Variants in MAF observed in about 807,000 individuals in gnomAD.
MAF encodes transcription factor Maf.
MAF carries 10 observed loss-of-function variants against 22.0 expected under a neutral mutation model. That is an observed-to-expected ratio of 0.45 (90% confidence interval 0.28 to 0.77). MAF has a LOEUF of 0.77. MAF is among the 30% of genes least tolerant of loss of function. The pLI, the probability that MAF is intolerant of heterozygous loss-of-function variation, is 0.12. For synonymous variants in MAF, 337 were observed against 255.8 expected (o/e 1.32, Z -3.03); for missense variants, 544 against 548.4 (o/e 0.99, Z 0.08).
At chr16:79,318,254 C>G in the MAF span, among the ~76,000 whole-genome samples, 1 of 152,186 alleles carries the variant, frequency 6.6e-6, no homozygotes, top group East Asian at 1.9e-4. Context: ...ATCCACTACA[C>G]AGCACTGCAG....
the MAF span, among the ~76,000 whole-genome samples, chr16:79,307,982 C>T: frequency 2.0e-4 from 30 of 152,334 alleles, no homozygotes; most frequent in African/African-American, 7.0e-4. Context: ...ACAGAACTAC[C>T]TCCTTGTCCT....
At chr16:79,319,604 A>T in the MAF span, among the ~76,000 whole-genome samples, 1 of 152,308 alleles carries the variant, frequency 6.6e-6, no homozygotes, top group South Asian at 2.1e-4. Flanking sequence ...TAAAACAGAC[A>T]GGTGGGATTC....
At chr16:79,294,491 C>G in the MAF span, among the ~76,000 whole-genome samples, 4 of 152,182 alleles carry the variant, frequency 2.6e-5, no homozygotes, top group African/African-American at 9.6e-5. Context: ...GGCTCAGATG[C>G]TCCCTAGTTC....
the MAF span, among the ~76,000 whole-genome samples, chr16:79,339,272 C>T: frequency 7.4e-4 from 112 of 152,146 alleles, no homozygotes; most frequent in East Asian, 6.4e-3. Context: ...GGGGTTTCAC[C>T]GTGGTCTCGA....
chr16:79,542,787 G>A, the MAF span, among the ~76,000 whole-genome samples: 3 of 152,156 alleles, frequency 2.0e-5, no homozygotes, highest in African/African-American at 7.2e-5. Flanking sequence ...AACTGCTCCT[G>A]GCCTTGGTTA....
the MAF span, among the ~76,000 whole-genome samples, chr16:79,490,589 G>A: frequency 6.7e-6 from 1 of 149,108 alleles, no homozygotes. Flanking sequence ...AATGAATATA[G>A]AAGTATATGC....
the MAF span, among the ~76,000 whole-genome samples, chr16:79,369,182 C>T: frequency 6.6e-6 from 1 of 152,184 alleles, no homozygotes; most frequent in African/African-American, 2.4e-5. Context: ...AAGTTAGTTG[C>T]CCAGAGTTTT....
At chr16:79,352,591 A>AT in the MAF span, among the ~76,000 whole-genome samples, 3 of 152,218 alleles carry the variant, frequency 2.0e-5, no homozygotes, top group Admixed American at 1.3e-4. Flanking sequence ...GTTTATTTAT[A>AT]TTTTTTAACA....
the MAF span, among the ~76,000 whole-genome samples, chr16:79,437,434 T>A: frequency 6.6e-6 from 1 of 152,076 alleles, no homozygotes; most frequent in Non-Finnish European, 1.5e-5. Context: ...CAGCCACACA[T>A]CCTGCTTGAA....
At chr16:79,382,370 C>T in the MAF span, among the ~76,000 whole-genome samples, 2 of 152,078 alleles carry the variant, frequency 1.3e-5, no homozygotes, top group Non-Finnish European at 2.9e-5. Context: ...CAGATCTGTC[C>T]AACAGAACTT....
the MAF span, among the ~76,000 whole-genome samples, chr16:79,299,356 A>G: frequency 6.6e-6 from 1 of 151,018 alleles, no homozygotes; most frequent in Non-Finnish European, 1.5e-5. Flanking sequence ...AGAAAAAAAA[A>G]AAAAAAGAAA....
In MAF at chr16:79,599,143, C is replaced by G. The variant is rs764719107; in HGVS notation, c.760G>C (p.Gly254Arg). The G allele has an allele frequency of 1.6e-4, 244 of 1,563,798 alleles. No individual in the cohort carries two copies. The highest frequency in any genetic ancestry group is 2.1e-4 in the Non-Finnish European group (239 of 1,161,552). Residue 254 changes from glycine to arginine, a missense_variant, in exon 1 of 2, where the codon GGC becomes CGC. Transcript: ENST00000326043. Reference protein sequence around the residue: ...GALHPHHAAGGLHFDDRFSDE... With the variant: ...GALHPHHAAGRLHFDDRFSDE... ...GAGAAGCGGTCGTCGAAGTGCAGGC[C>G]GCCGGCGGCGTGGTGCGGGTGCAGG...
the MAF span, among the ~76,000 whole-genome samples, chr16:79,228,643 C>G: frequency 5.9e-5 from 9 of 152,124 alleles, no homozygotes; most frequent in Admixed American, 6.6e-5. Context: ...TCCACAGGTA[C>G]ACAAAGACAG....
chr16:79,596,021 A>G (rs536251905), intron 1 of MAF: 2 of 1,061,020 alleles, frequency 1.9e-6, no homozygotes, highest in East Asian at 5.1e-5. Flanking sequence ...GTAAGAGAAG[A>G]AGGAAAAATA....
the MAF span, among the ~76,000 whole-genome samples, chr16:79,467,496 G>C: frequency 6.6e-6 from 1 of 152,220 alleles, no homozygotes; most frequent in Non-Finnish European, 1.5e-5. Flanking sequence ...GAGGCATAGA[G>C]AAATCGAGTA....
the MAF span, among the ~76,000 whole-genome samples, chr16:79,442,779 A>G: frequency 2.6e-5 from 4 of 152,246 alleles, no homozygotes; most frequent in Non-Finnish European, 5.9e-5. Context: ...CCTTGGAAAC[A>G]CAAGAAGGTG....
the MAF span, among the ~76,000 whole-genome samples, chr16:79,412,496 G>T: frequency 6.6e-6 from 1 of 152,126 alleles, no homozygotes; most frequent in Admixed American, 6.5e-5. Flanking sequence ...TATCCACCTG[G>T]GCACTGACAT....
the MAF span, among the ~76,000 whole-genome samples, chr16:79,442,874 G>T: frequency 1.3e-5 from 2 of 152,180 alleles, no homozygotes; most frequent in African/African-American, 4.8e-5. Flanking sequence ...ATCTAGTCCT[G>T]GCTGTAATGG....
chr16:79,321,502 C>G, the MAF span, among the ~76,000 whole-genome samples: 1 of 152,082 alleles, frequency 6.6e-6, no homozygotes, highest in Admixed American at 6.5e-5. Context: ...AGAAAGCAAG[C>G]AATGTGCTAA....
Sources: allele counts gnomAD v4.1 joint callset (sites outside exome capture counted in the v4.1 genomes callset), GRCh38; gene constraint gnomAD v4.1.1; transcripts MANE v1.5; gene names NCBI Gene and HGNC (gene_info 2026-07-23, HGNC 2026-07-21).